Variants in CAMK1D observed in about 807,000 individuals in gnomAD.
The protein encoded by CAMK1D is calcium/calmodulin-dependent protein kinase type 1D.
A neutral mutation model predicts 47.7 loss-of-function variants in CAMK1D; 9 were observed. The observed-to-expected ratio is 0.19, with a 90% CI of 0.11 to 0.33. The LOEUF is 0.33. Ranked by LOEUF, CAMK1D falls within the 10% of genes least tolerant of loss-of-function variation. CAMK1D has a pLI of 1.00. For missense variants in CAMK1D, 291 were observed against 488.7 expected, an observed-to-expected ratio of 0.60 and a Z score of 3.81; for synonymous variants, 184 against 184.9, an observed-to-expected ratio of 0.99 and a Z score of 0.04.
intron 1 of CAMK1D, among the ~76,000 whole-genome samples, chr10:12,363,608 G>C (rs1299052342): frequency 6.6e-6 from 1 of 150,472 alleles, no homozygotes; most frequent in Admixed American, 6.6e-5. Context: ...TTATTTAGAG[G>C]ATACTGACAA....
intron 2 of CAMK1D, among the ~76,000 whole-genome samples, chr10:12,567,992 C>T (rs942335616): frequency 6.6e-6 from 1 of 151,312 alleles, no homozygotes; most frequent in Non-Finnish European, 1.5e-5. Context: ...GTGGGGGCCA[C>T]TTTTACTGAG....
At chr10:12,500,362 T>C (rs1396170446) in intron 1 of CAMK1D, among the ~76,000 whole-genome samples, 1 of 152,234 alleles carries the variant, frequency 6.6e-6, no homozygotes, top group African/African-American at 2.4e-5. Context: ...TTTGGGGACC[T>C]GTCCAGGGCT....
intron 3 of CAMK1D, among the ~76,000 whole-genome samples, chr10:12,760,388 C>T (rs908515691): frequency 2.0e-5 from 3 of 152,172 alleles, no homozygotes; most frequent in African/African-American, 7.2e-5. Flanking sequence ...ATTCCGAAGG[C>T]ATGCTCCCAC....
intron 1 of CAMK1D, among the ~76,000 whole-genome samples, chr10:12,381,433 T>A (rs1838342431): frequency 6.6e-6 from 1 of 150,612 alleles, no homozygotes; most frequent in Admixed American, 6.6e-5. Flanking sequence ...CCTCCCAGGT[T>A]CAAGCAATTC....
chr10:12,437,901 T>C (rs1832681404), intron 1 of CAMK1D, among the ~76,000 whole-genome samples: 1 of 152,224 alleles, frequency 6.6e-6, no homozygotes, highest in Non-Finnish European at 1.5e-5. Context: ...GTCATGTACT[T>C]GGAATCCTGC....
rs1030660240 is a variant in CAMK1D at position 12,746,340 on chromosome 10, G to A, written c.300-14608G>A. Among the ~76,000 whole-genome samples, 5 of 130,212 alleles carry A rather than the reference G, an allele frequency of 3.8e-5. No individual in the cohort carries two copies. In the South Asian group the frequency reaches 1.2e-3, roughly 30 times the overall value. 85.4% of individuals were successfully genotyped at this position (130,212 alleles called of 152,430 possible). A position where few individuals can be genotyped will look rare whatever the true frequency, so the allele number is the denominator to read the frequency against. The stretch of plus-strand genomic sequence containing the variant: ...GATCTCGCCACTGCACTCCAGCCTG[G>A]GCGACAGAGCAAGACTCCGTCTCAA... On this transcript the variant is annotated intron_variant, in intron 3 of 10. Coordinates refer to ENST00000619168, the MANE Select transcript of CAMK1D (RefSeq NM_153498.4).
rs760909587 is a variant in CAMK1D at position 12,666,836 on chromosome 10, T to C, written c.299+26T>C. Reference sequence around the variant, plus strand: ...GTAAGTACCTTGTTTGATTGATGAGTTTTGAACCAACTTGCAAACTCCAAT... The same window carrying C: ...GTAAGTACCTTGTTTGATTGATGAGCTTTGAACCAACTTGCAAACTCCAAT... On this transcript the variant is annotated intron_variant, in intron 3 of 10. Coordinates refer to ENST00000619168, the MANE Select transcript of CAMK1D (RefSeq NM_153498.4). 1.0e-5 allele frequency: 16 copies of C among 1,579,008 alleles called. No homozygotes were observed. In the African/African-American group the frequency reaches 2.2e-4, roughly 21 times the overall value.
chr10:12,592,343 A>G (rs1838022198), intron 2 of CAMK1D, among the ~76,000 whole-genome samples: 1 of 152,242 alleles, frequency 6.6e-6, no homozygotes, highest in Non-Finnish European at 1.5e-5. Flanking sequence ...ATATAGATAG[A>G]AAGTCTGAAA....
intron 1 of CAMK1D, among the ~76,000 whole-genome samples, chr10:12,471,101 TC>T (rs1394881328): frequency 6.6e-6 from 1 of 152,222 alleles, no homozygotes; most frequent in African/African-American, 2.4e-5. Flanking sequence ...AGTTCTACTT[TC>T]TTGTGTGCCT....
intron 2 of CAMK1D, among the ~76,000 whole-genome samples, chr10:12,644,030 T>A (rs933180356): frequency 1.3e-5 from 2 of 152,190 alleles, no homozygotes; most frequent in Non-Finnish European, 2.9e-5. Context: ...CATTATACAT[T>A]ACAATGTAAC....
rs1363394392 is a variant in CAMK1D at position 12,625,358 on chromosome 10, TAAAG to T, written c.225-41374_225-41371del. Reference sequence around the variant, plus strand: ...GTACAAAAAAAAAAAAAAAAAAAAGTAAAGAAACAGTTATCCAGGCTGGAGTGCA... The same window carrying T: ...GTACAAAAAAAAAAAAAAAAAAAAGTAAACAGTTATCCAGGCTGGAGTGCA... On this transcript the variant is annotated intron_variant, in intron 2 of 10. Coordinates refer to ENST00000619168, the MANE Select transcript of CAMK1D (RefSeq NM_153498.4). 5.1e-5 allele frequency among the ~76,000 whole-genome samples: 7 copies of T among 136,284 alleles called. No homozygotes were observed. The South Asian group carries it at 7.2e-4, about 14-fold the overall frequency. 89.4% of individuals were successfully genotyped at this position (136,284 alleles called of 152,430 possible). A position where few individuals can be genotyped will look rare whatever the true frequency, so the allele number is the denominator to read the frequency against.
intron 1 of CAMK1D, among the ~76,000 whole-genome samples, chr10:12,503,354 G>A (rs1324615844): frequency 1.3e-5 from 2 of 152,200 alleles, no homozygotes; most frequent in South Asian, 2.1e-4. Context: ...ATGAGTGAAC[G>A]TAAAACAACT....
chr10:12,547,943 G>A (rs559348226), intron 1 of CAMK1D, among the ~76,000 whole-genome samples: 2 of 152,344 alleles, frequency 1.3e-5, no homozygotes, highest in Admixed American at 6.5e-5. Context: ...GCAGCTGGAT[G>A]TGCGGGCTCG....
chr10:12,540,285 G>T (rs899689482), intron 1 of CAMK1D, among the ~76,000 whole-genome samples: 11 of 151,816 alleles, frequency 7.2e-5, no homozygotes, highest in African/African-American at 2.7e-4. Flanking sequence ...GATGCTCCCT[G>T]TTGGTATAAG....
intron 2 of CAMK1D, among the ~76,000 whole-genome samples, chr10:12,593,756 C>T (rs1363386466): frequency 1.3e-5 from 2 of 152,154 alleles, no homozygotes; most frequent in African/African-American, 2.4e-5. Context: ...TCCTTCCTCC[C>T]CTCTCTCCTA....
intron 1 of CAMK1D, among the ~76,000 whole-genome samples, chr10:12,441,212 C>T (rs1832775137): frequency 6.6e-6 from 1 of 152,156 alleles, no homozygotes; most frequent in African/African-American, 2.4e-5. Flanking sequence ...TGTTTTCTTT[C>T]GGAGACAGAG....
chr10:12,394,306 A>G (rs1172446712), intron 1 of CAMK1D, among the ~76,000 whole-genome samples: 4 of 151,598 alleles, frequency 2.6e-5, no homozygotes, highest in Admixed American at 2.6e-4. Flanking sequence ...CCAACCAGAA[A>G]CTCCCCAGAC....
intron 1 of CAMK1D, among the ~76,000 whole-genome samples, chr10:12,476,015 G>A (rs554258268): frequency 6.6e-6 from 1 of 152,160 alleles, no homozygotes; most frequent in East Asian, 1.9e-4. Context: ...AGTCTAGGCC[G>A]GGTGGGGTGG....
chr10:12,735,395 G>A (rs1224760517), intron 3 of CAMK1D, among the ~76,000 whole-genome samples: 7 of 152,142 alleles, frequency 4.6e-5, no homozygotes, highest in African/African-American at 2.4e-5. Flanking sequence ...GGAGAATGGC[G>A]TGAACCCGGG....
Sources: allele counts gnomAD v4.1 joint callset (sites outside exome capture counted in the v4.1 genomes callset), GRCh38; gene constraint gnomAD v4.1.1; transcripts MANE v1.5; gene names NCBI Gene and HGNC (gene_info 2026-07-23, HGNC 2026-07-21).